The following UBE2E2 variants were observed in gnomAD, a reference collection of about 807,000 sequenced individuals.
The protein encoded by UBE2E2 is ubiquitin-conjugating enzyme E2 E2.
In UBE2E2, 6 loss-of-function variants were observed where a neutral mutation model predicts 24.7. That is an observed-to-expected ratio of 0.24 (90% CI 0.13 to 0.48). UBE2E2 has a LOEUF of 0.48. UBE2E2 is among the 20% of genes least tolerant of loss of function. The pLI is 0.99. For missense variants in UBE2E2, 169 were observed against 245.0 expected, an observed-to-expected ratio of 0.69 and a Z score of 2.07; for synonymous variants, 104 against 83.6, an observed-to-expected ratio of 1.24 and a Z score of -1.33.
chr3:23,472,204 A>G (rs374857948), intron 3 of UBE2E2, among the ~76,000 whole-genome samples: 11 of 152,328 alleles, frequency 7.2e-5, no homozygotes, highest in African/African-American at 2.6e-4. Flanking sequence ...AGAAAGGAAA[A>G]CATGAGCCAC....
chr3:23,551,745 G>A (rs1306501732), intron 5 of UBE2E2, among the ~76,000 whole-genome samples: 3 of 152,178 alleles, frequency 2.0e-5, no homozygotes, highest in Admixed American at 6.5e-5. Context: ...GGGAGATGAC[G>A]ATAGGGATGT....
At chr3:23,447,278 A>G (rs574443656) in intron 3 of UBE2E2, among the ~76,000 whole-genome samples, 146 of 152,302 alleles carry the variant, frequency 9.6e-4, no homozygotes, top group Non-Finnish European at 1.8e-3. Context: ...TATTTGAGGA[A>G]TGAATAGTTA....
chr3:23,255,306 C>G (rs1386790380), intron 3 of UBE2E2, among the ~76,000 whole-genome samples: 1 of 150,558 alleles, frequency 6.6e-6, no homozygotes, highest in Non-Finnish European at 1.5e-5. Flanking sequence ...ATTGCGCAGG[C>G]TGGTCTCGAA....
chr3:23,524,636 C>T (rs768154482), intron 4 of UBE2E2, among the ~76,000 whole-genome samples: 9 of 152,042 alleles, frequency 5.9e-5, no homozygotes, highest in Non-Finnish European at 1.2e-4. Flanking sequence ...TAATCTAAGC[C>T]TCTTGTTTTG....
At chr3:23,457,651 G>T (rs1171557059) in intron 3 of UBE2E2, among the ~76,000 whole-genome samples, 1 of 152,094 alleles carries the variant, frequency 6.6e-6, no homozygotes, top group Non-Finnish European at 1.5e-5. Flanking sequence ...AGGTAACTTG[G>T]ACTACAGGCA....
At chr3:23,515,315 C>T (rs1371932959) in intron 4 of UBE2E2, among the ~76,000 whole-genome samples, 1 of 152,026 alleles carries the variant, frequency 6.6e-6, no homozygotes, top group Non-Finnish European at 1.5e-5. Context: ...GATATTTCCT[C>T]CTGCAGGTGT....
At chr3:23,423,631 G>T (rs1394436958) in intron 3 of UBE2E2, among the ~76,000 whole-genome samples, 1 of 152,106 alleles carries the variant, frequency 6.6e-6, no homozygotes, top group Non-Finnish European at 1.5e-5. Context: ...TATAATGCTT[G>T]CATGTCCAGT....
chr3:23,512,581 C>T (rs1038208204), intron 4 of UBE2E2, among the ~76,000 whole-genome samples: 1 of 152,094 alleles, frequency 6.6e-6, no homozygotes, highest in Non-Finnish European at 1.5e-5. Flanking sequence ...TCTGTAGTCC[C>T]TTTTGCCTCT....
chr3:23,323,264 ACATT>A, intron 3 of UBE2E2, among the ~76,000 whole-genome samples: 1 of 152,116 alleles, frequency 6.6e-6, no homozygotes, highest in African/African-American at 2.4e-5. Flanking sequence ...TAAATTGCCT[ACATT>A]TTATAACTTT....
Position 23,376,155 on chromosome 3 carries a change from T to A in UBE2E2, c.228-123453T>A, listed in dbSNP as rs73823465. On this transcript the variant is annotated intron_variant, in intron 3 of 5. Transcript: ENST00000396703. ...CTGTCATCATACTCAAGTTTGTAGTTTTCTTCCATTGAGTAGATTTCAGGT... is the reference window on the plus strand; with the variant it reads ...CTGTCATCATACTCAAGTTTGTAGTATTCTTCCATTGAGTAGATTTCAGGT... Among the ~76,000 whole-genome samples, 755 of 152,300 alleles carry A rather than the reference T, an allele frequency of 5.0e-3. 9 individuals carry two copies. The highest frequency in any genetic ancestry group is 0.017 in the African/African-American group (723 of 41,572).
chr3:23,251,323 C>T (rs1299973784), intron 3 of UBE2E2, among the ~76,000 whole-genome samples: 1 of 152,116 alleles, frequency 6.6e-6, no homozygotes, highest in Non-Finnish European at 1.5e-5. Flanking sequence ...GATGAAGAAC[C>T]GTTATTCTCT....
intron 3 of UBE2E2, among the ~76,000 whole-genome samples, chr3:23,485,245 A>G (rs1040450192): frequency 6.6e-5 from 10 of 151,918 alleles, no homozygotes; most frequent in Non-Finnish European, 1.0e-4. Flanking sequence ...ACAGGTGCCT[A>G]TAACCACACC....
intron 3 of UBE2E2, among the ~76,000 whole-genome samples, chr3:23,443,228 A>C (rs888468209): frequency 2.9e-4 from 44 of 152,176 alleles, no homozygotes; most frequent in Admixed American, 4.6e-4. Flanking sequence ...AATGACCTCA[A>C]ATATCATAAA....
intron 3 of UBE2E2, among the ~76,000 whole-genome samples, chr3:23,375,086 A>C (rs1696488738): frequency 6.6e-6 from 1 of 152,214 alleles, no homozygotes; most frequent in Admixed American, 6.5e-5. Flanking sequence ...GATATAAAAA[A>C]AAAATCAGAG....
chr3:23,343,129 C>T (rs1039270256), intron 3 of UBE2E2, among the ~76,000 whole-genome samples: 2 of 151,508 alleles, frequency 1.3e-5, no homozygotes, highest in African/African-American at 4.9e-5. Context: ...CATACATATA[C>T]AAACTACATT....
intron 3 of UBE2E2, among the ~76,000 whole-genome samples, chr3:23,399,296 T>G (rs562115059): frequency 6.6e-6 from 1 of 152,308 alleles, no homozygotes; most frequent in South Asian, 2.1e-4. Flanking sequence ...TTGGGGCTAT[T>G]ATTAAATAAA....
At chr3:23,514,967 C>T (rs1694695767) in intron 4 of UBE2E2, among the ~76,000 whole-genome samples, 1 of 152,068 alleles carries the variant, frequency 6.6e-6, no homozygotes, top group South Asian at 2.1e-4. Flanking sequence ...TGATCTTGTC[C>T]TTTGGAAGAC....
chr3:23,393,162 T>G (rs1696981651), intron 3 of UBE2E2, among the ~76,000 whole-genome samples: 1 of 150,784 alleles, frequency 6.6e-6, no homozygotes, highest in Admixed American at 6.6e-5. Context: ...AGATGATAGC[T>G]TGGACTAAGG....
At chr3:23,452,236 A>G (rs1463431816) in intron 3 of UBE2E2, among the ~76,000 whole-genome samples, 1 of 152,240 alleles carries the variant, frequency 6.6e-6, no homozygotes, top group Non-Finnish European at 1.5e-5. Context: ...CGATATATCT[A>G]GCTACTGTGT....
Sources: allele counts gnomAD v4.1 joint callset (sites outside exome capture counted in the v4.1 genomes callset), GRCh38; gene constraint gnomAD v4.1.1; transcripts MANE v1.5; gene names NCBI Gene and HGNC (gene_info 2026-07-23, HGNC 2026-07-21).